HCN1: variants seen among roughly 807,000 people sequenced by gnomAD.
The protein encoded by HCN1 is potassium/sodium hyperpolarization-activated cyclic nucleotide-gated channel 1.
A neutral mutation model predicts 78.9 loss-of-function variants in HCN1; 13 were observed. That is an observed-to-expected ratio of 0.16 (90% CI 0.11 to 0.26). The LOEUF is 0.26. Ranked by LOEUF, HCN1 falls within the 10% of genes least tolerant of loss-of-function variation. The pLI, the probability that HCN1 is intolerant of heterozygous loss-of-function variation, is 1.00. For missense variants in HCN1, 810 were observed against 1,154.3 expected (o/e 0.70, Z 4.32); for synonymous variants, 552 against 455.5 (o/e 1.21, Z -2.70).
chr5:45,262,273 A>G lies in HCN1; in HGVS notation c.2321T>C (p.Leu774Pro), dbSNP rs149702217. The change falls in exon 8 of 8, where the codon CTT (leucine) becomes CCT (proline). Residue 774 changes from leucine to proline, a missense_variant. Coordinates refer to ENST00000303230, the MANE Select transcript of HCN1 (RefSeq NM_021072.4). ...TTCCCGGGTCAGGTTGGTGTTGTGA[A>G]GCGCCTGCGTGCTCTTGTGCACTTC... is the stretch of plus-strand genomic sequence containing the variant. ...KNEVHKSTQA[L>P]HNTNLTREVR... is the part of the protein sequence containing the mutation. 3.1e-6 allele frequency: 5 copies of G among 1,613,816 alleles called. No homozygotes were observed. In the African/African-American group the frequency reaches 6.7e-5, roughly 22 times the overall value.
At chr5:45,361,267 G>C (rs945257998) in intron 4 of HCN1, among the ~76,000 whole-genome samples, 1 of 125,936 alleles carries the variant, frequency 7.9e-6, no homozygotes, top group African/African-American at 3.0e-5. Context: ...CTGCAACCTC[G>C]GCCTCCTGGG....
intron 5 of HCN1, among the ~76,000 whole-genome samples, chr5:45,333,007 C>A (rs1003806908): frequency 6.6e-6 from 1 of 151,676 alleles, no homozygotes; most frequent in Non-Finnish European, 1.5e-5. Flanking sequence ...ATATACCCAG[C>A]AGTGGGATTG....
chr5:45,421,031 TC>T (rs1740215452), intron 3 of HCN1, among the ~76,000 whole-genome samples: 1 of 152,116 alleles, frequency 6.6e-6, no homozygotes, highest in Admixed American at 6.6e-5. Context: ...TTTCTTCCTT[TC>T]TTTCCTTTCC....
intron 2 of HCN1, among the ~76,000 whole-genome samples, chr5:45,601,169 G>A (rs1386982324): frequency 6.6e-6 from 1 of 152,112 alleles, no homozygotes; most frequent in Non-Finnish European, 1.5e-5. Context: ...GAGAGTAGGT[G>A]GGCACATCTG....
chr5:45,517,426 T>C (rs1742533996), intron 2 of HCN1, among the ~76,000 whole-genome samples: 1 of 151,070 alleles, frequency 6.6e-6, no homozygotes. Context: ...ACATTCATAT[T>C]GTAGAAAACA....
chr5:45,656,168 T>C (rs1745761421), intron 1 of HCN1, among the ~76,000 whole-genome samples: 1 of 152,106 alleles, frequency 6.6e-6, no homozygotes. Flanking sequence ...GATAATCAAT[T>C]GGTCACCTTT....
At chr5:45,308,581 G>A (rs1462740551) in intron 5 of HCN1, among the ~76,000 whole-genome samples, 1 of 152,050 alleles carries the variant, frequency 6.6e-6, no homozygotes, top group Admixed American at 6.6e-5. Context: ...TTATATTGTT[G>A]TGGAGTTAAT....
intron 6 of HCN1, among the ~76,000 whole-genome samples, chr5:45,277,275 A>G (rs1380112807): frequency 6.6e-6 from 1 of 152,134 alleles, no homozygotes; most frequent in African/African-American, 2.4e-5. Context: ...TCAGTTTGCC[A>G]AATGAGCTGG....
chr5:45,266,720 T>TC (rs1328653756), intron 7 of HCN1, among the ~76,000 whole-genome samples: 1 of 151,800 alleles, frequency 6.6e-6, no homozygotes, highest in African/African-American at 2.4e-5. Flanking sequence ...TTTTTTTTTT[T>TC]TTCTCTGAGA....
chr5:45,696,147 G>A lies in HCN1; in HGVS notation c.-54C>T. On this transcript the variant is annotated 5_prime_UTR_variant, in exon 1 of 8. Transcript: ENST00000303230. ...GGGCTCCAGACTCGCCGGCCGCCCG[G>A]CGCCGGAGACACGTAGCCGAGAGGG... 1.6e-6 allele frequency: 2 copies of A among 1,212,362 alleles called. No individual in the cohort carries two copies. Among genetic ancestry groups the A allele is most frequent in the Non-Finnish European group, 1.0e-6 (1 of 955,838 alleles). The allele number at this position is 1,212,362 out of a possible 1,614,324, so 75.1% of individuals were successfully genotyped here.
intron 5 of HCN1, among the ~76,000 whole-genome samples, chr5:45,318,728 T>A (rs1033803511): frequency 1.3e-5 from 2 of 151,836 alleles, no homozygotes; most frequent in Non-Finnish European, 2.9e-5. Flanking sequence ...AGTTACAACA[T>A]AACTTGAAGT....
intron 2 of HCN1, among the ~76,000 whole-genome samples, chr5:45,627,004 T>C (rs1745176538): frequency 6.6e-6 from 1 of 151,850 alleles, no homozygotes; most frequent in African/African-American, 2.4e-5. Context: ...TATATATATA[T>C]ATGTATGTGT....
intron 2 of HCN1, among the ~76,000 whole-genome samples, chr5:45,597,198 C>T (rs1355827399): frequency 1.2e-4 from 18 of 152,152 alleles, no homozygotes; most frequent in African/African-American, 3.1e-4. Context: ...AATCCTGCAG[C>T]ACATCAAAAA....
At chr5:45,394,833 T>C (rs1040894372) in intron 4 of HCN1, among the ~76,000 whole-genome samples, 1 of 152,124 alleles carries the variant, frequency 6.6e-6, no homozygotes, top group Admixed American at 6.6e-5. Flanking sequence ...GTTATATTCT[T>C]TTAATCAGCT....
chr5:45,540,232 G>A (rs1743072346), intron 2 of HCN1, among the ~76,000 whole-genome samples: 1 of 151,564 alleles, frequency 6.6e-6, no homozygotes, highest in Non-Finnish European at 1.5e-5. Flanking sequence ...ATGTATGAGT[G>A]ATTTTTTCCA....
In HCN1 at chr5:45,365,282, T is replaced by C. The variant is rs189788370; in HGVS notation, c.1231-12036A>G. ...AATGGTGGTGACTGGGCTTCTAATG[T>C]ACCCATCACGAAACTATTGAACATA... On this transcript the variant is annotated intron_variant, in intron 4 of 7. Transcript: ENST00000303230. 6.4e-4 allele frequency among the ~76,000 whole-genome samples: 98 copies of C among 152,048 alleles called. 1 individual carries two copies. The East Asian group carries it at 0.011, about 17-fold the overall frequency.
At chr5:45,546,133 T>A (rs1036284949) in intron 2 of HCN1, among the ~76,000 whole-genome samples, 15 of 151,982 alleles carry the variant, frequency 9.9e-5, no homozygotes, top group African/African-American at 3.1e-4. Context: ...ATTTCCAGTA[T>A]CTTCTTAAAG....
chr5:45,414,410 T>C (rs1054492435), intron 3 of HCN1, among the ~76,000 whole-genome samples: 2 of 152,032 alleles, frequency 1.3e-5, no homozygotes, highest in African/African-American at 2.4e-5. Context: ...CTTATCTATA[T>C]GGAGGCATTT....
At chr5:45,443,670 A>T (rs1177903115) in intron 3 of HCN1, among the ~76,000 whole-genome samples, 2 of 152,088 alleles carry the variant, frequency 1.3e-5, no homozygotes, top group Non-Finnish European at 2.9e-5. Flanking sequence ...TAGGGCTGAC[A>T]TTACTTTTGG....
Sources: allele counts gnomAD v4.1 joint callset (sites outside exome capture counted in the v4.1 genomes callset), GRCh38; gene constraint gnomAD v4.1.1; transcripts MANE v1.5; gene names NCBI Gene and HGNC (gene_info 2026-07-23, HGNC 2026-07-21).